DOCK1: variants seen among roughly 807,000 people sequenced by gnomAD.
DOCK1 encodes dedicator of cytokinesis protein 1.
DOCK1 carries 138 observed loss-of-function variants against 262.7 expected under a neutral mutation model. The ratio of observed to expected loss-of-function variants is 0.53; its 90% CI spans 0.46 to 0.61. The LOEUF (loss-of-function observed/expected upper bound fraction) is 0.61. DOCK1 is among the 20% of genes least tolerant of loss of function. The probability of loss-of-function intolerance (pLI) is 0.00; values close to 1 mark genes in which losing one functional copy is unlikely to be tolerated. For synonymous variants in DOCK1, 866 were observed against 867.4 expected (o/e 1.00, Z 0.03); for missense variants, 1,908 against 2,370.7 (o/e 0.80, Z 4.05).
chr10:127,278,880 G>A (rs1490223424), intron 29 of DOCK1, among the ~76,000 whole-genome samples: 1 of 152,122 alleles, frequency 6.6e-6, no homozygotes, highest in Non-Finnish European at 1.5e-5. Context: ...AGGTGATAGG[G>A]GCAAAAATTA....
chr10:127,392,400 T>G (rs2066532549), intron 38 of DOCK1, among the ~76,000 whole-genome samples: 1 of 152,090 alleles, frequency 6.6e-6, no homozygotes, highest in Non-Finnish European at 1.5e-5. Flanking sequence ...TGGATCTCCC[T>G]CTGAGGGAGC....
intron 49 of DOCK1, among the ~76,000 whole-genome samples, chr10:127,443,438 A>G (rs184224926): frequency 9.8e-4 from 149 of 152,082 alleles, no homozygotes; most frequent in African/African-American, 3.3e-3. Context: ...TTTATATTGG[A>G]CTGTTTTAAG....
At position 127,186,507 on chromosome 10, in the gene DOCK1, GC is replaced by G. The variant is rs1326283340; in HGVS notation, c.2847+58750del. ...TCATGATAACAGCATGGGAGAAACC[GC>G]CCCCCCGCCCCCCCCCGATCCAGTT... On this transcript the variant is annotated intron_variant, in intron 27 of 51. Coordinates refer to ENST00000623213, the MANE Select transcript of DOCK1 (RefSeq NM_001290223.2). Among the ~76,000 whole-genome samples, 3 of 5,918 alleles carry G rather than the reference GC, an allele frequency of 5.1e-4. 1 individual carries two copies. Among genetic ancestry groups the G allele is most frequent in the South Asian group, 0.04 (2 of 50 alleles). 3.9% of individuals were successfully genotyped at this position (5,918 alleles called of 152,430 possible). A position where few individuals can be genotyped will look rare whatever the true frequency, so the allele number is the denominator to read the frequency against.
intron 23 of DOCK1, among the ~76,000 whole-genome samples, chr10:127,094,978 C>T (rs562415038): frequency 1.3e-5 from 2 of 152,304 alleles, no homozygotes; most frequent in South Asian, 4.1e-4. Context: ...CTGCCCTCTC[C>T]ATGAGCCACT....
chr10:127,441,171 AAAG>A (rs997612770), intron 49 of DOCK1, among the ~76,000 whole-genome samples: 1 of 152,268 alleles, frequency 6.6e-6, no homozygotes, highest in African/African-American at 2.4e-5. Flanking sequence ...ACTTGTGTGA[AAAG>A]AAGTCCAAGG....
chr10:127,075,852 A>G (rs1300487634), intron 23 of DOCK1, among the ~76,000 whole-genome samples: 1 of 152,168 alleles, frequency 6.6e-6, no homozygotes, highest in African/African-American at 2.4e-5. Context: ...ATATCACTCC[A>G]TGTTGCCCAG....
chr10:127,255,007 G>C (rs1049250415), intron 28 of DOCK1, among the ~76,000 whole-genome samples: 3 of 152,190 alleles, frequency 2.0e-5, no homozygotes, highest in Non-Finnish European at 4.4e-5. Flanking sequence ...GGATGGAAAG[G>C]TGCAGACAGA....
rs1216809857 is a variant in DOCK1 at position 127,186,504 on chromosome 10, A to ACCCC, written c.2847+58742_2847+58743insCCCC. Among the ~76,000 whole-genome samples the ACCCC allele has an allele frequency of 1.9e-3, 17 of 9,008 alleles. 5 individuals are homozygous for ACCCC. The highest frequency in any genetic ancestry group is 6.1e-3 in the East Asian group (2 of 330). 5.9% of individuals were successfully genotyped at this position (9,008 alleles called of 152,430 possible). A position where few individuals can be genotyped will look rare whatever the true frequency, so the allele number is the denominator to read the frequency against. ...CAATCATGATAACAGCATGGGAGAA[A>ACCCC]CCGCCCCCCCGCCCCCCCCCGATCC... On this transcript the variant is annotated intron_variant, in intron 27 of 51. Coordinates refer to ENST00000623213, the MANE Select transcript of DOCK1 (RefSeq NM_001290223.2).
intron 49 of DOCK1, among the ~76,000 whole-genome samples, chr10:127,441,426 C>G (rs1003330433): frequency 6.6e-6 from 1 of 152,214 alleles, no homozygotes; most frequent in African/African-American, 2.4e-5. Flanking sequence ...TTGAACCTTC[C>G]AGCACCAGGA....
chr10:126,953,285 TG>T (rs2134432903), intron 1 of DOCK1, among the ~76,000 whole-genome samples: 1 of 144,080 alleles, frequency 6.9e-6, no homozygotes, highest in South Asian at 2.3e-4. Context: ...TGTTGTGGTG[TG>T]GTGTGGTGGT....
rs1210130893 is a variant in DOCK1, at chr10:127,012,502, G to A, written c.1201+128G>A. On this transcript the variant is annotated intron_variant, in intron 12 of 51. Transcript: ENST00000623213. This position sits in a 1 kb window ranked among gnomAD's most constrained non-coding sequence, Gnocchi z 4.0. ...TAATGATGGGGATGACAGTGATCGT[G>A]GTGGAGAATGTGTGTGACAGTTGCC... 3 of 791,484 alleles carry A rather than the reference G, an allele frequency of 3.8e-6. No homozygotes were observed. Among genetic ancestry groups the A allele is most frequent in the Non-Finnish European group, 4.2e-6 (2 of 474,984 alleles). 49.0% of individuals were successfully genotyped at this position (791,484 alleles called of 1,614,324 possible).
chr10:127,343,872 T>C (rs901727283), intron 31 of DOCK1, 126 bp downstream of exon 31: 3 of 781,154 alleles, frequency 3.8e-6, no homozygotes, highest in Non-Finnish European at 6.1e-6. Flanking sequence ...GAAAGGGTGG[T>C]TTTAAATCAC....
intron 22 of DOCK1, among the ~76,000 whole-genome samples, chr10:127,060,004 A>G (rs1241792928): frequency 6.6e-6 from 1 of 152,132 alleles, no homozygotes; most frequent in African/African-American, 2.4e-5. Context: ...TTGAGGCTAC[A>G]CTGGACCTTT....
At chr10:127,068,929 C>A (rs1184173966) in intron 23 of DOCK1, among the ~76,000 whole-genome samples, 1 of 152,188 alleles carries the variant, frequency 6.6e-6, no homozygotes, top group Non-Finnish European at 1.5e-5. Flanking sequence ...ACTTACTTAA[C>A]CAGTTTTCCA....
At chr10:126,948,715 G>T (rs917462598) in intron 1 of DOCK1, among the ~76,000 whole-genome samples, 6 of 151,946 alleles carry the variant, frequency 3.9e-5, no homozygotes, top group African/African-American at 1.4e-4. Context: ...TGATGCGGGC[G>T]CCCAGCTGTG....
At chr10:127,005,346 G>T (rs2040935441) in intron 10 of DOCK1, among the ~76,000 whole-genome samples, 1 of 151,942 alleles carries the variant, frequency 6.6e-6, no homozygotes, top group Non-Finnish European at 1.5e-5. Context: ...AAAAAAAAGG[G>T]ATAGAAGGGA....
chr10:127,076,790 C>T (rs1051632345), intron 23 of DOCK1, among the ~76,000 whole-genome samples: 1 of 152,196 alleles, frequency 6.6e-6, no homozygotes, highest in Non-Finnish European at 1.5e-5. Context: ...AGGGGGGCTC[C>T]GTCATCTACC....
In DOCK1 at chr10:127,195,525, C is replaced by G. The variant is rs530154858; in HGVS notation, c.2848-52483C>G. On this transcript the variant is annotated intron_variant, in intron 27 of 51. Coordinates refer to ENST00000623213, the MANE Select transcript of DOCK1 (RefSeq NM_001290223.2). ...CAGGGCCCCTCTGTTCCAACTCATC[C>G]CCCCCCCGAAGTTAATCAGCCGTAC... 2.6e-5 allele frequency among the ~76,000 whole-genome samples: 4 copies of G among 151,628 alleles called. No individual in the cohort carries two copies. The East Asian group carries it at 7.8e-4, about 29-fold the overall frequency.
intron 27 of DOCK1, among the ~76,000 whole-genome samples, chr10:127,164,675 A>G (rs1409080319): frequency 6.6e-6 from 1 of 152,236 alleles, no homozygotes; most frequent in East Asian, 1.9e-4. Context: ...TTAAGGCAGG[A>G]CTTTTTATTT....
Sources: gnomAD v4.1 joint callset for allele counts (sites outside exome capture counted in the v4.1 genomes callset) on GRCh38, gnomAD v4.1.1 for gene constraint, Gnocchi (gnomAD v3.1) non-coding constraint, MANE v1.5 for transcripts, NCBI Gene and HGNC (gene_info 2026-07-23, HGNC 2026-07-21) for gene names.